Variants in TRPS1 observed in about 807,000 individuals in gnomAD.
TRPS1 encodes the protein transcriptional repressor GATA binding 1, also known as zinc finger transcription factor Trps1.
In TRPS1, 6 loss-of-function variants were observed where a neutral mutation model predicts 101.2. The observed-to-expected ratio is 0.06, with a 90% CI of 0.03 to 0.12. The LOEUF (loss-of-function observed/expected upper bound fraction) is 0.12, where lower values mean the gene tolerates loss of function less well. Among genes scored for constraint, TRPS1 ranks in the 10% least tolerant of loss-of-function variants. The pLI is 1.00. For missense variants in TRPS1, 1,363 were observed against 1,567.0 expected (o/e 0.87, Z 2.20); for synonymous variants, 578 against 589.8 (o/e 0.98, Z 0.29).
chr8:115,661,354 C>T (rs1811791026), intron 1 of TRPS1, among the ~76,000 whole-genome samples: 1 of 152,006 alleles, frequency 6.6e-6, no homozygotes, highest in Non-Finnish European at 1.5e-5. Context: ...CTAAATTCCA[C>T]CATCAAGATG....
At chr8:115,607,905 A>T (rs1818076712) in intron 3 of TRPS1, among the ~76,000 whole-genome samples, 1 of 152,118 alleles carries the variant, frequency 6.6e-6, no homozygotes, top group African/African-American at 2.4e-5. Flanking sequence ...ATTTTAGGAG[A>T]CACTACTGGT....
chr8:115,445,148 C>A (rs1301354248), intron 5 of TRPS1, among the ~76,000 whole-genome samples: 2 of 152,090 alleles, frequency 1.3e-5, no homozygotes, highest in African/African-American at 4.8e-5. Flanking sequence ...TCATACACTC[C>A]CAGCTCAGTG....
chr8:115,437,309 T>C (rs1214315541), intron 5 of TRPS1, among the ~76,000 whole-genome samples: 2 of 152,250 alleles, frequency 1.3e-5, no homozygotes, highest in African/African-American at 4.8e-5. Flanking sequence ...ACGGGTGCCA[T>C]GGTCCACTAT....
rs759477744 is a variant in TRPS1, at chr8:115,414,055, G to A, written c.3853C>T (p.Gln1285Ter). Residue 1285 changes from glutamine (Q) to a stop codon, truncating the protein, a stop_gained, in exon 7 of 7, where the codon CAA (glutamine) becomes TAA (stop). Coordinates refer to ENST00000395715, the MANE Select transcript of TRPS1 (RefSeq NM_014112.5). LOFTEE classifies it high-confidence loss of function. This position sits in a 1 kb window ranked among gnomAD's most constrained non-coding sequence, Gnocchi z 4.8. ...TTAGGTTTTCCATTTTTTTCCACTT[G>A]TGCATTGTTCCTATGCAGGCCCCTC... ...IQRGLHRNNA[Q>*]VEKNGKPKE The A allele has an allele frequency of 2.5e-6, 4 of 1,612,820 alleles. No homozygotes were observed. Among genetic ancestry groups the A allele is most frequent in the Non-Finnish European group, 3.4e-6 (4 of 1,179,526 alleles).
intron 5 of TRPS1, among the ~76,000 whole-genome samples, chr8:115,579,508 T>C (rs1817394517): frequency 6.6e-6 from 1 of 152,096 alleles, no homozygotes; most frequent in Non-Finnish European, 1.5e-5. Flanking sequence ...TTGTCAGGGA[T>C]CTTATCACTT....
chr8:115,512,443 T>C (rs1004950549), intron 5 of TRPS1, among the ~76,000 whole-genome samples: 1 of 151,670 alleles, frequency 6.6e-6, no homozygotes, highest in Non-Finnish European at 1.5e-5. Context: ...AAATTCATTG[T>C]TCTTAGACAA....
chr8:115,551,573 T>G (rs1314344125), intron 5 of TRPS1, among the ~76,000 whole-genome samples: 1 of 152,170 alleles, frequency 6.6e-6, no homozygotes, highest in Non-Finnish European at 1.5e-5. Context: ...ATGTTTTACG[T>G]GCAGAGTATT....
intron 5 of TRPS1, among the ~76,000 whole-genome samples, chr8:115,533,436 G>GTTTGTTTTTTTT (rs1816187745): frequency 2.9e-5 from 1 of 34,986 alleles, no homozygotes; most frequent in Non-Finnish European, 5.3e-5. Flanking sequence ...CATGTAATCT[G>GTTTGTTTTTTTT]TTTTTTTTTT....
intron 5 of TRPS1, among the ~76,000 whole-genome samples, chr8:115,579,640 TA>T (rs1303635873): frequency 1.3e-5 from 2 of 151,926 alleles, no homozygotes; most frequent in African/African-American, 2.4e-5. Context: ...GCAAAAATTA[TA>T]AAGTGTATTT....
chr8:115,515,619 T>C (rs1427580928), intron 5 of TRPS1, among the ~76,000 whole-genome samples: 1 of 151,470 alleles, frequency 6.6e-6, no homozygotes, highest in East Asian at 1.9e-4. Context: ...AGTTATATTC[T>C]AAGTGCTCTT....
At chr8:115,452,169 C>T (rs1027325058) in intron 5 of TRPS1, among the ~76,000 whole-genome samples, 10 of 152,154 alleles carry the variant, frequency 6.6e-5, no homozygotes, top group Non-Finnish European at 1.3e-4. Flanking sequence ...AAATTTCAAG[C>T]CAGAGGCCCT....
At chr8:115,505,764 C>T (rs946470606) in intron 5 of TRPS1, among the ~76,000 whole-genome samples, 1 of 151,968 alleles carries the variant, frequency 6.6e-6, no homozygotes, top group Non-Finnish European at 1.5e-5. Context: ...TTTTGTTTAC[C>T]AAGTCAGGTC....
intron 1 of TRPS1, among the ~76,000 whole-genome samples, chr8:115,647,872 T>C (rs1811455633): frequency 6.6e-6 from 1 of 152,076 alleles, no homozygotes; most frequent in South Asian, 2.1e-4. Flanking sequence ...TTAAATTTTT[T>C]TGTATTTACA....
intron 5 of TRPS1, among the ~76,000 whole-genome samples, chr8:115,516,262 T>C (rs1212328341): frequency 0.024 from 1 of 42 alleles, no homozygotes; most frequent in Non-Finnish European, 0.05. Context: ...GCTTCCTTTG[T>C]ACAAATAGCA....
At chr8:115,632,737 C>T (rs1415213874) in intron 1 of TRPS1, among the ~76,000 whole-genome samples, 1 of 152,084 alleles carries the variant, frequency 6.6e-6, no homozygotes, top group Non-Finnish European at 1.5e-5. Context: ...CGAATGCATG[C>T]TTTCAATGTA....
chr8:115,642,519 T>A (rs1451457084), intron 1 of TRPS1, among the ~76,000 whole-genome samples: 2 of 152,082 alleles, frequency 1.3e-5, no homozygotes, highest in Non-Finnish European at 2.9e-5. Flanking sequence ...GTAATTCTAA[T>A]CATCTCATCA....
At chr8:115,481,271 A>C (rs1352441686) in intron 5 of TRPS1, among the ~76,000 whole-genome samples, 3 of 152,166 alleles carry the variant, frequency 2.0e-5, no homozygotes, top group African/African-American at 4.8e-5. Context: ...AGCAAACGCA[A>C]ACTAGCCAAG....
intron 4 of TRPS1, among the ~76,000 whole-genome samples, chr8:115,591,066 G>A (rs1030327276): frequency 1.2e-4 from 19 of 152,130 alleles, no homozygotes; most frequent in African/African-American, 3.9e-4. Context: ...TTCATCTAGC[G>A]GCGTTTAATG....
Position 115,454,334 on chromosome 8 carries a change from A to G in TRPS1, c.2701-35882T>C, listed in dbSNP as rs558255491. On this transcript the variant is annotated intron_variant, in intron 5 of 6. Transcript: ENST00000395715. The stretch of plus-strand genomic sequence containing the variant: ...TGAATTATCCTACTTGTACTACTGT[A>G]CTTCCATGCTATGATTGTTTGTCTT... Among the ~76,000 whole-genome samples, 18 of 152,346 alleles carry G rather than the reference A, an allele frequency of 1.2e-4. No homozygotes were observed. The East Asian group carries it at 3.3e-3, about 28-fold the overall frequency.
Sources: gnomAD v4.1 joint callset for allele counts (sites outside exome capture counted in the v4.1 genomes callset) on GRCh38, gnomAD v4.1.1 for gene constraint, Gnocchi (gnomAD v3.1) non-coding constraint, MANE v1.5 for transcripts, NCBI Gene and HGNC (gene_info 2026-07-23, HGNC 2026-07-21) for gene names.